The following ARID3B variants were observed in gnomAD, a reference collection of about 807,000 sequenced individuals.
The protein encoded by ARID3B is AT-rich interactive domain-containing protein 3B.
Under a neutral mutation model 51.9 loss-of-function variants are expected in ARID3B, and 10 were observed. The observed-to-expected ratio is 0.19, with a 90% CI of 0.12 to 0.33. ARID3B has a LOEUF of 0.33. ARID3B is among the 10% of genes least tolerant of loss of function. The probability of loss-of-function intolerance (pLI) is 1.00; values close to 1 mark genes in which losing one functional copy is unlikely to be tolerated. For synonymous variants in ARID3B, 205 were observed against 279.5 expected, an observed-to-expected ratio of 0.73 and a Z score of 2.66; for missense variants, 483 against 716.3, an observed-to-expected ratio of 0.67 and a Z score of 3.72.
At chr15:74,572,063 C>T (rs986177546) in intron 2 of ARID3B, among the ~76,000 whole-genome samples, 5 of 151,832 alleles carry the variant, frequency 3.3e-5, no homozygotes, top group Non-Finnish European at 5.9e-5. Flanking sequence ...GAGCCGAGAT[C>T]GTGCCATTGC....
intron 2 of ARID3B, among the ~76,000 whole-genome samples, chr15:74,559,179 C>T (rs892454857): frequency 6.6e-6 from 1 of 152,168 alleles, no homozygotes; most frequent in African/African-American, 2.4e-5. Flanking sequence ...CTCTTAAGAA[C>T]CCTATTCGGG....
chr15:74,578,589 A>G (rs897801548), intron 4 of ARID3B, among the ~76,000 whole-genome samples: 1 of 152,112 alleles, frequency 6.6e-6, no homozygotes, highest in Non-Finnish European at 1.5e-5. Context: ...GACCAAGGAA[A>G]AGCCTCATAG....
intron 2 of ARID3B, among the ~76,000 whole-genome samples, chr15:74,567,230 A>G (rs1210789837): frequency 6.6e-6 from 1 of 152,172 alleles, no homozygotes; most frequent in African/African-American, 2.4e-5. Flanking sequence ...TGCCTTGTTT[A>G]TACCCCACTC....
intron 2 of ARID3B, among the ~76,000 whole-genome samples, chr15:74,571,761 T>A (rs951675169): frequency 6.6e-6 from 1 of 152,146 alleles, no homozygotes; most frequent in Admixed American, 6.5e-5. Context: ...TTTTAGAGGG[T>A]TGAAGGGAAG....
At chr15:74,557,021 C>G (rs192174171) in intron 2 of ARID3B, among the ~76,000 whole-genome samples, 334 of 152,032 alleles carry the variant, frequency 2.2e-3, no homozygotes, top group African/African-American at 8.0e-3. Flanking sequence ...GTGATCCACC[C>G]GCTTCGGCCT....
intron 2 of ARID3B, among the ~76,000 whole-genome samples, chr15:74,557,516 AT>A (rs2061663239): frequency 1.3e-5 from 2 of 151,752 alleles, no homozygotes; most frequent in Non-Finnish European, 1.5e-5. Flanking sequence ...ATTGACCATT[AT>A]TTTTTTCTTC....
In ARID3B at chr15:74,593,125, C is replaced by T. The variant is rs1434128130; in HGVS notation, c.1421-13C>T. ...AGGCTTGACCAGGCCCACTGTCTCCCTGTCCCCAGCAGAAGACAGAGCAGA... is the reference window on the plus strand; with the variant it reads ...AGGCTTGACCAGGCCCACTGTCTCCTTGTCCCCAGCAGAAGACAGAGCAGA... On this transcript the variant is annotated splice_polypyrimidine_tract_variant and intron_variant, in intron 7 of 8. Coordinates refer to ENST00000346246, the MANE Select transcript of ARID3B (RefSeq NM_006465.4). 6.2e-7 allele frequency: 1 copy of T among 1,611,194 alleles called. No individual in the cohort carries two copies. The highest frequency in any genetic ancestry group is 1.7e-5 in the Admixed American group (1 of 59,954).
chr15:74,597,017 T>C lies in ARID3B; in HGVS notation c.*1243T>C, dbSNP rs1445481982. The stretch of plus-strand genomic sequence containing the variant: ...CACACCGGGTCGGGCCCTGAAACTG[T>C]ACCAGTTCTGAAGACCGTTTTCTGC... On this transcript the variant is annotated 3_prime_UTR_variant, in exon 9 of 9. Transcript: ENST00000346246. 2 of 235,224 alleles carry C rather than the reference T, an allele frequency of 8.5e-6. No homozygotes were observed. The highest frequency in any genetic ancestry group is 1.7e-5 in the Non-Finnish European group (2 of 119,244). The allele number at this position is 235,224 out of a possible 1,614,324, so 14.6% of individuals were successfully genotyped here. A position where few individuals can be genotyped will look rare whatever the true frequency, so the allele number is the denominator to read the frequency against.
chr15:74,543,773 C>T, intron 1 of ARID3B, 87 bp from the exon 2 acceptor site: 1 of 836,048 alleles, frequency 1.2e-6, no homozygotes. Context: ...TCATGGCCCT[C>T]TACTGGAGAA....
rs181116711 is a variant in ARID3B, at chr15:74,541,552, A to G, written c.-78+222A>G. Among the ~76,000 whole-genome samples the G allele has an allele frequency of 7.5e-3, 1,134 of 152,054 alleles. 6 individuals are homozygous for G. The highest frequency in any genetic ancestry group is 0.026 in the African/African-American group (1,092 of 41,480). ...AAGCGTTTGAGATAAAGCGATGAGA[A>G]GGGTGAGGGGCCCTGGAGCTGAGTG... On this transcript the variant is annotated intron_variant, in intron 1 of 8. Coordinates refer to ENST00000346246, the MANE Select transcript of ARID3B (RefSeq NM_006465.4).
intron 2 of ARID3B, among the ~76,000 whole-genome samples, chr15:74,556,027 T>G (rs902588417): frequency 6.6e-6 from 1 of 151,212 alleles, no homozygotes; most frequent in Non-Finnish European, 1.5e-5. Context: ...CTCCTGACCT[T>G]GTGATCCGCC....
At chr15:74,583,031 CAAAAAA>C (rs563528666) in intron 4 of ARID3B, among the ~76,000 whole-genome samples, 1 of 102,804 alleles carries the variant, frequency 9.7e-6, no homozygotes, top group Non-Finnish European at 2.1e-5. Flanking sequence ...CCATCTCTAC[CAAAAAA>C]AAAAAAAAAA....
intron 1 of ARID3B, among the ~76,000 whole-genome samples, 187 bp downstream of exon 1, chr15:74,541,517 ATTTGAGATAAAGCG>A (rs1238692269): frequency 1.3e-5 from 2 of 152,242 alleles, no homozygotes; most frequent in Non-Finnish European, 1.5e-5. Flanking sequence ...CCATTAGGGC[ATTTGAGATAAAGCG>A]TTTGAGATAA....
intron 2 of ARID3B, among the ~76,000 whole-genome samples, chr15:74,548,189 A>G (rs2061622847): frequency 6.6e-6 from 1 of 152,374 alleles, no homozygotes; most frequent in South Asian, 2.1e-4. Context: ...AAAGGAGATC[A>G]TACAGCCAAC....
At chr15:74,568,323 T>C (rs904576818) in intron 2 of ARID3B, among the ~76,000 whole-genome samples, 1 of 152,194 alleles carries the variant, frequency 6.6e-6, no homozygotes, top group Admixed American at 6.5e-5. Context: ...TTTCTTCTTT[T>C]CTCCCTTCCT....
chr15:74,591,274 C>T lies in ARID3B; in HGVS notation c.1005C>T (p.Leu335=), dbSNP rs146340798. The T allele has an allele frequency of 6.2e-7, 1 of 1,614,034 alleles. No homozygotes were observed. The highest frequency in any genetic ancestry group is 8.5e-7 in the Non-Finnish European group (1 of 1,180,014). ...GGCGGCCCAGCTACAGCTCCTCCCT[C>T]TTTGGCTACTCACCTGCTGCGGCTA... ...EGRRPSYSSS[L]FGYSPAAATA... Residue 335 remains leucine, a synonymous_variant, in exon 6 of 9, where the codon CTC becomes CTT. Transcript: ENST00000346246. This position sits in a 1 kb window ranked among gnomAD's most constrained non-coding sequence, Gnocchi z 5.8.
chr15:74,595,419 A>T (rs1366489249), intron 8 of ARID3B, among the ~76,000 whole-genome samples, 192 bp from the exon 9 acceptor site: 1 of 152,074 alleles, frequency 6.6e-6, no homozygotes, highest in Non-Finnish European at 1.5e-5. Context: ...CTGTCGACCT[A>T]TCTGTCCCCC....
At chr15:74,573,326 CTGCCAGT>C in intron 4 of ARID3B, 122 bp downstream of exon 4, 2 of 1,090,442 alleles carry the variant, frequency 1.8e-6, no homozygotes, top group Non-Finnish European at 2.8e-6. Context: ...GAGGCATTTA[CTGCCAGT>C]TGGTTCTGGA....
intron 2 of ARID3B, among the ~76,000 whole-genome samples, chr15:74,566,727 G>A (rs183625218): frequency 3.3e-5 from 5 of 152,102 alleles, no homozygotes; most frequent in African/African-American, 7.2e-5. Context: ...ATGATAAGTC[G>A]TGACAAATGG....
Sources: gnomAD v4.1 joint callset for allele counts (sites outside exome capture counted in the v4.1 genomes callset) on GRCh38, gnomAD v4.1.1 for gene constraint, Gnocchi (gnomAD v3.1) non-coding constraint, MANE v1.5 for transcripts, NCBI Gene and HGNC (gene_info 2026-07-23, HGNC 2026-07-21) for gene names.